The following SMAGP variants were observed in gnomAD, a reference collection of about 807,000 sequenced individuals.
The protein encoded by SMAGP is small cell transmembrane and glycosylated protein.
SMAGP carries 7 observed loss-of-function variants against 10.1 expected under a neutral mutation model. The ratio of observed to expected loss-of-function variants is 0.70; its 90% confidence interval spans 0.40 to 1.31. The LOEUF (loss-of-function observed/expected upper bound fraction) is 1.31. Ranked by LOEUF, SMAGP falls within the 50% of genes most tolerant of loss-of-function variation. The probability of loss-of-function intolerance (pLI) is 0.01; values close to 1 mark genes in which losing one functional copy is unlikely to be tolerated. For synonymous variants in SMAGP, 49 were observed against 47.2 expected (o/e 1.04, Z -0.16); for missense variants, 113 against 116.5 (o/e 0.97, Z 0.14).
chr12:51,246,062 T>C lies in SMAGP; in HGVS notation c.173A>G (p.Tyr58Cys). The part of the protein sequence containing the change: ...LLSVVILIFF[Y>C]LYKNKGSYVT... The stretch of plus-strand genomic sequence containing the variant: ...GTAGCTGCCTTTGTTCTTGTACAGG[T>C]AAAAGAAGATCAAGATCACGACCGA... The change falls in exon 4 of 4, where the codon TAC becomes TGC. Residue 58 changes from tyrosine to cysteine, a missense_variant. Physicochemically the swap from Tyr to Cys is radical, Grantham distance 194. Coordinates refer to ENST00000603798, the MANE Select transcript of SMAGP (RefSeq NM_001031628.2). 6.2e-7 allele frequency: 1 copy of C among 1,613,792 alleles called. No individual in the cohort carries two copies. The highest frequency in any genetic ancestry group is 8.5e-7 in the Non-Finnish European group (1 of 1,179,838).
At chr12:51,248,900 CAAAAAAA>C (rs545881552) in intron 2 of SMAGP, among the ~76,000 whole-genome samples, 72 of 95,626 alleles carry the variant, frequency 7.5e-4, no homozygotes, top group African/African-American at 3.1e-3. Context: ...AAAAATACCA[CAAAAAAA>C]AAAAAAAAAA....
At chr12:51,263,258 C>T (rs1944944780) in intron 2 of SMAGP, among the ~76,000 whole-genome samples, 2 of 151,862 alleles carry the variant, frequency 1.3e-5, no homozygotes. Context: ...TGGTGGGCGC[C>T]TATAGTCCCA....
intron 2 of SMAGP, among the ~76,000 whole-genome samples, chr12:51,255,075 C>T (rs1171962935): frequency 6.6e-6 from 1 of 152,100 alleles, no homozygotes; most frequent in Non-Finnish European, 1.5e-5. Context: ...TCAGTCTGTC[C>T]TCCAGGCTGG....
chr12:51,251,930 G>T (rs1048362240), intron 2 of SMAGP, among the ~76,000 whole-genome samples: 41 of 152,242 alleles, frequency 2.7e-4, no homozygotes, highest in African/African-American at 7.7e-4. Context: ...CATACAGGAA[G>T]ACCTTAAGAA....
At chr12:51,254,947 T>C (rs1189049063) in intron 2 of SMAGP, among the ~76,000 whole-genome samples, 2 of 152,220 alleles carry the variant, frequency 1.3e-5, no homozygotes, top group Admixed American at 6.5e-5. Context: ...ACAGGCCTTG[T>C]AGGCCAAGGT....
chr12:51,256,314 G>A (rs1944883796), intron 2 of SMAGP, among the ~76,000 whole-genome samples: 1 of 152,060 alleles, frequency 6.6e-6, no homozygotes, highest in Admixed American at 6.6e-5. Context: ...GGCCAGGTGC[G>A]GTGGCTCACG....
chr12:51,269,099 C>T (rs1291705235), intron 2 of SMAGP, 146 bp downstream of exon 2: 1 of 800,740 alleles, frequency 1.2e-6, no homozygotes, highest in East Asian at 2.6e-5. Context: ...CACTCTAGTT[C>T]CTGCTTCCTC....
chr12:51,250,735 T>C (rs1052787404), intron 2 of SMAGP, among the ~76,000 whole-genome samples: 2 of 152,198 alleles, frequency 1.3e-5, no homozygotes, highest in Non-Finnish European at 2.9e-5. Flanking sequence ...GCTTCTAAGA[T>C]GGCTCACAAT....
intron 2 of SMAGP, 108 bp downstream of exon 2, chr12:51,269,135 CAG>C: frequency 8.5e-7 from 1 of 1,174,678 alleles, no homozygotes; most frequent in Non-Finnish European, 1.3e-6. Context: ...GTGAGGCAGG[CAG>C]AGAGAGGTGG....
At chr12:51,249,642 G>T (rs1244444712) in intron 2 of SMAGP, among the ~76,000 whole-genome samples, 1 of 151,788 alleles carries the variant, frequency 6.6e-6, no homozygotes, top group Non-Finnish European at 1.5e-5. Flanking sequence ...TTTTAAGATG[G>T]AGTCTTGCTC....
chr12:51,248,434 A>ACTCTCTCTCTCTCTCTCTCTCTCTCT (rs56012746), intron 2 of SMAGP, among the ~76,000 whole-genome samples: 3 of 77,466 alleles, frequency 3.9e-5, no homozygotes, highest in African/African-American at 1.5e-4. Context: ...ACACACACAC[A>ACTCTCTCTCTCTCTCTCTCTCTCTCT]CTCTCTCTCT....
rs893274257 is a variant in SMAGP, at chr12:51,246,142, T to C, written c.116-23A>G. On this transcript the variant is annotated intron_variant, in intron 3 of 3. Coordinates refer to ENST00000603798, the MANE Select transcript of SMAGP (RefSeq NM_001031628.2). Reference sequence around the variant, plus strand: ...CAACTTGGAAAGGAGAGGGAAAATGTAGAGATGTTTCAGGATTGAGGATGT... The same window carrying C: ...CAACTTGGAAAGGAGAGGGAAAATGCAGAGATGTTTCAGGATTGAGGATGT... The C allele has an allele frequency of 4.3e-6, 7 of 1,612,302 alleles. No homozygotes were observed. In the African/African-American group the frequency reaches 9.4e-5, roughly 22 times the overall value.
intron 2 of SMAGP, among the ~76,000 whole-genome samples, chr12:51,262,294 A>G (rs1174927200): frequency 6.6e-6 from 1 of 151,956 alleles, no homozygotes; most frequent in Non-Finnish European, 1.5e-5. Context: ...AACCTGGGCA[A>G]CATGGCAAAA....
At chr12:51,264,001 A>G (rs1944951496) in intron 2 of SMAGP, among the ~76,000 whole-genome samples, 1 of 151,972 alleles carries the variant, frequency 6.6e-6, no homozygotes, top group South Asian at 2.1e-4. Flanking sequence ...GATTTTTAAT[A>G]TTTTTTTAAG....
chr12:51,267,416 A>G (rs537498632), intron 2 of SMAGP, among the ~76,000 whole-genome samples: 16 of 151,690 alleles, frequency 1.1e-4, no homozygotes, highest in Non-Finnish European at 4.4e-5. Context: ...TTTCAAGGGC[A>G]AGACTCAGAT....
intron 2 of SMAGP, among the ~76,000 whole-genome samples, chr12:51,254,059 G>A (rs1236120363): frequency 6.6e-6 from 1 of 152,162 alleles, no homozygotes; most frequent in African/African-American, 2.4e-5. Flanking sequence ...TAGAGTTTTA[G>A]TTTGGGAGGA....
At chr12:51,268,909 A>G (rs1396231752) in intron 2 of SMAGP, among the ~76,000 whole-genome samples, 1 of 152,004 alleles carries the variant, frequency 6.6e-6, no homozygotes, top group Non-Finnish European at 1.5e-5. Context: ...TGAATTAGCA[A>G]TGGGGTCTCA....
At chr12:51,267,273 A>G (rs1944982539) in intron 2 of SMAGP, among the ~76,000 whole-genome samples, 1 of 152,074 alleles carries the variant, frequency 6.6e-6, no homozygotes, top group African/African-American at 2.4e-5. Context: ...CCTCCAGGGT[A>G]AATCGTCTCT....
chr12:51,258,367 A>C (rs1944903761), intron 2 of SMAGP, among the ~76,000 whole-genome samples: 1 of 152,074 alleles, frequency 6.6e-6, no homozygotes, highest in African/African-American at 2.4e-5. Flanking sequence ...TGGATCACCT[A>C]AGGTGATGGA....
Sources: gnomAD v4.1 joint callset for allele counts (sites outside exome capture counted in the v4.1 genomes callset) on GRCh38, gnomAD v4.1.1 for gene constraint, MANE v1.5 for transcripts, NCBI Gene and HGNC (gene_info 2026-07-23, HGNC 2026-07-21) for gene names.